FOXN3: variants seen among roughly 807,000 people sequenced by gnomAD.
FOXN3 encodes forkhead box N3.
A neutral mutation model predicts 38.4 loss-of-function variants in FOXN3; 7 were observed. That is an observed-to-expected ratio of 0.18 (90% CI 0.10 to 0.34). The LOEUF is 0.34. Ranked by LOEUF, FOXN3 falls within the 10% of genes least tolerant of loss-of-function variation. The pLI, the probability that FOXN3 is intolerant of heterozygous loss-of-function variation, is 1.00. For synonymous variants in FOXN3, 230 were observed against 242.2 expected (o/e 0.95, Z 0.47); for missense variants, 456 against 613.4 (o/e 0.74, Z 2.71).
intron 1 of FOXN3, among the ~76,000 whole-genome samples, chr14:89,477,998 C>T (rs990394654): frequency 6.6e-6 from 1 of 152,102 alleles, no homozygotes; most frequent in African/African-American, 2.4e-5. Flanking sequence ...ATATTTGTCC[C>T]CACCCAAATC....
rs560977288 is a variant in FOXN3, at chr14:89,189,797, A to G, written c.746-8991T>C. ...GAAGGCCAACAAAAAGAAGGTGAGG[A>G]TGGGAGTCCTGCTTAGCTAAACAGC... On this transcript the variant is annotated intron_variant, in intron 4 of 5. Transcript: ENST00000557258. 2.0e-5 allele frequency among the ~76,000 whole-genome samples: 3 copies of G among 152,320 alleles called. No homozygotes were observed. In the South Asian group the frequency reaches 6.2e-4, roughly 32 times the overall value.
At chr14:89,427,219 C>A (rs1178950240) in intron 1 of FOXN3, among the ~76,000 whole-genome samples, 10 of 141,316 alleles carry the variant, frequency 7.1e-5, no homozygotes, top group African/African-American at 2.4e-4. Flanking sequence ...ACAGAGTGAG[C>A]CTCTGTCTCA....
intron 3 of FOXN3, among the ~76,000 whole-genome samples, chr14:89,294,201 T>A (rs1487273042): frequency 1.3e-5 from 2 of 152,042 alleles, no homozygotes; most frequent in African/African-American, 4.8e-5. Flanking sequence ...GTCTCCAGCC[T>A]CTCTCCCCAC....
At chr14:89,486,908 A>T (rs115078442) in intron 1 of FOXN3, among the ~76,000 whole-genome samples, 2,076 of 152,320 alleles carry the variant, frequency 0.014, 39 homozygotes, top group African/African-American at 0.048. Flanking sequence ...TTGAAAATAC[A>T]TGCCATCTCA....
intron 4 of FOXN3, among the ~76,000 whole-genome samples, chr14:89,210,153 G>A (rs1286270118): frequency 4.6e-5 from 7 of 152,230 alleles, no homozygotes; most frequent in African/African-American, 1.4e-4. Flanking sequence ...AATCCCCAGT[G>A]TTGGAGGTGG....
chr14:89,390,299 C>G (rs1566975357), intron 2 of FOXN3, among the ~76,000 whole-genome samples: 1 of 117,618 alleles, frequency 8.5e-6, no homozygotes, highest in Non-Finnish European at 1.9e-5. Flanking sequence ...CTCTTTCTCT[C>G]TCTCTCTCTC....
chr14:89,460,507 G>T (rs191701560), intron 1 of FOXN3, among the ~76,000 whole-genome samples: 77 of 152,316 alleles, frequency 5.1e-4, no homozygotes, highest in South Asian at 2.7e-3. Context: ...CCCGCTTCTT[G>T]TTCCTCTCAC....
chr14:89,252,233 G>A (rs1885480369), intron 4 of FOXN3, among the ~76,000 whole-genome samples: 1 of 152,178 alleles, frequency 6.6e-6, no homozygotes, highest in South Asian at 2.1e-4. Flanking sequence ...TAGAGCCAAG[G>A]ATTATTAATA....
rs77605057 is a variant in FOXN3 at position 89,520,556 on chromosome 14, A to G, written c.-15+98472T>C. On this transcript the variant is annotated intron_variant, in intron 1 of 6. Coordinates refer to the FOXN3 transcript ENST00000345097. Reference sequence around the variant, plus strand: ...AAACTGCTGAAATCTGGCTATACATATGTAGGGAAAATCACACAGACAAGC... The same window carrying G: ...AAACTGCTGAAATCTGGCTATACATGTGTAGGGAAAATCACACAGACAAGC... 5.3e-3 allele frequency among the ~76,000 whole-genome samples: 813 copies of G among 152,350 alleles called. 13 individuals carry two copies. Among genetic ancestry groups the G allele is most frequent in the African/African-American group, 0.018 (759 of 41,590 alleles).
chr14:89,362,294 C>G (rs868719746), intron 2 of FOXN3, among the ~76,000 whole-genome samples: 138 of 6,004 alleles, frequency 0.023, no homozygotes, highest in Admixed American at 0.03. Flanking sequence ...ACCACCTCCA[C>G]CACCACCACC....
chr14:89,179,178 A>T (rs753852162), intron 5 of FOXN3, among the ~76,000 whole-genome samples: 1 of 152,210 alleles, frequency 6.6e-6, no homozygotes, highest in Admixed American at 6.5e-5. Flanking sequence ...GTATTTTTGG[A>T]AAATATCCCC....
rs1887029154 is a variant in FOXN3 at position 89,158,531 on chromosome 14, T to C, written c.*3883A>G. ...CCAGTGAAATATGGGTTTGGTTCATTTTAGTTTCAGATAGATGGCTTCACC... is the reference window on the plus strand; with the variant it reads ...CCAGTGAAATATGGGTTTGGTTCATCTTAGTTTCAGATAGATGGCTTCACC... On this transcript the variant is annotated 3_prime_UTR_variant, in exon 6 of 6. Coordinates refer to ENST00000557258, the MANE Select transcript of FOXN3 (RefSeq NM_005197.4). The C allele has an allele frequency of 6.6e-6, 1 of 152,620 alleles. No individual in the cohort carries two copies. The highest frequency in any genetic ancestry group is 6.5e-5 in the Admixed American group (1 of 15,280). The allele number at this position is 152,620 out of a possible 1,614,324, so 9.5% of individuals were successfully genotyped here. A position where few individuals can be genotyped will look rare whatever the true frequency, so the allele number is the denominator to read the frequency against.
chr14:89,312,369 C>G (rs556597149), intron 3 of FOXN3, among the ~76,000 whole-genome samples: 1 of 150,088 alleles, frequency 6.7e-6, no homozygotes, highest in Non-Finnish European at 1.5e-5. Context: ...TCCACACGGG[C>G]AAGGGTGTCA....
In FOXN3 at chr14:89,162,963, G is replaced by A. The variant is rs762602017; in HGVS notation, c.858C>T (p.Gly286=). The A allele has an allele frequency of 2.6e-6, 4 of 1,558,164 alleles. No homozygotes were observed. The highest frequency in any genetic ancestry group is 3.5e-6 in the Non-Finnish European group (4 of 1,148,532). Residue 286 remains glycine, a synonymous_variant, in exon 6 of 6, where the codon GGC becomes GGT. Transcript: ENST00000557258. This position sits in a 1 kb window ranked among gnomAD's most constrained non-coding sequence, Gnocchi z 7.2. ...CAGTCCGCATCCGGCAGCTGGTGATGCCATTCCTGCAGAGCGAGGACAGTG... is the reference window on the plus strand; with the variant it reads ...CAGTCCGCATCCGGCAGCTGGTGATACCATTCCTGCAGAGCGAGGACAGTG... ...PIGVTAAMRN[G]ITSCRMRTES...
At chr14:89,298,426 C>T (rs956771832) in intron 3 of FOXN3, among the ~76,000 whole-genome samples, 2 of 144,978 alleles carry the variant, frequency 1.4e-5, no homozygotes, top group African/African-American at 5.2e-5. Flanking sequence ...GCCTGGATGG[C>T]GCCACTGCAC....
intron 3 of FOXN3, among the ~76,000 whole-genome samples, chr14:89,345,422 T>TA (rs900442217): frequency 3.3e-5 from 5 of 152,228 alleles, no homozygotes; most frequent in Admixed American, 6.5e-5. Flanking sequence ...ACCCCTCACT[T>TA]AGTTTTCCCT....
rs184809689 is a variant in FOXN3 at position 89,412,921 on chromosome 14, A to G, written c.-14-431T>C. ...TAACTTCAGGTACCACACAGAATAC[A>G]TGGGAATGTAAGATAAGCCATTAAC... On this transcript the variant is annotated intron_variant, in intron 1 of 5. Transcript: ENST00000557258. This position sits in a 1 kb window ranked among gnomAD's most constrained non-coding sequence, Gnocchi z 4.7. Among the ~76,000 whole-genome samples the G allele has an allele frequency of 2.0e-5, 3 of 152,016 alleles. 1 individual carries two copies. The East Asian group carries it at 5.8e-4, about 29-fold the overall frequency.
intron 1 of FOXN3, among the ~76,000 whole-genome samples, chr14:89,566,643 G>T (rs1255120998): frequency 6.6e-6 from 1 of 152,208 alleles, no homozygotes; most frequent in Non-Finnish European, 1.5e-5. Flanking sequence ...TGTTCATTGT[G>T]TTGGTTTTCG....
intron 3 of FOXN3, among the ~76,000 whole-genome samples, chr14:89,288,423 A>C (rs1274212814): frequency 6.6e-6 from 1 of 152,202 alleles, no homozygotes; most frequent in Non-Finnish European, 1.5e-5. Flanking sequence ...AGAATCTGAC[A>C]GGTGGCAGCT....
Sources: gnomAD v4.1 joint callset for allele counts (sites outside exome capture counted in the v4.1 genomes callset) on GRCh38, gnomAD v4.1.1 for gene constraint, Gnocchi (gnomAD v3.1) non-coding constraint, MANE v1.5 for transcripts, NCBI Gene and HGNC (gene_info 2026-07-23, HGNC 2026-07-21) for gene names.